CMIP: variants seen among roughly 807,000 people sequenced by gnomAD.
CMIP encodes C-Maf-inducing protein.
Under a neutral mutation model 97.3 loss-of-function variants are expected in CMIP, and 13 were observed. That is an observed-to-expected ratio of 0.13 (90% CI 0.09 to 0.21). The LOEUF (loss-of-function observed/expected upper bound fraction) is 0.21. Ranked by LOEUF, CMIP falls within the 10% of genes least tolerant of loss-of-function variation. The pLI is 1.00. For synonymous variants in CMIP, 538 were observed against 436.3 expected (o/e 1.23, Z -2.91); for missense variants, 847 against 1,024.9 (o/e 0.83, Z 2.37).
At chr16:81,517,919 A>C in intron 1 of CMIP, 1 of 984,078 alleles carries the variant, frequency 1.0e-6, no homozygotes, top group South Asian at 4.7e-5. Context: ...CTCCTGCCAC[A>C]GCCACGAGAT....
At chr16:81,480,161 G>C (rs770927322) in intron 1 of CMIP, among the ~76,000 whole-genome samples, 1 of 152,208 alleles carries the variant, frequency 6.6e-6, no homozygotes, top group Non-Finnish European at 1.5e-5. Context: ...GCAGTCCTTT[G>C]GGGTAGGTAA....
At chr16:81,559,837 C>T (rs1341740313) in intron 1 of CMIP, among the ~76,000 whole-genome samples, 1 of 152,140 alleles carries the variant, frequency 6.6e-6, no homozygotes, top group African/African-American at 2.4e-5. Context: ...GCAAGTCTTT[C>T]AAGAGGTATA....
chr16:81,586,796 G>A (rs1378529015), intron 1 of CMIP, among the ~76,000 whole-genome samples: 2 of 152,150 alleles, frequency 1.3e-5, no homozygotes, highest in African/African-American at 4.8e-5. Flanking sequence ...CCACTCAACT[G>A]TGGAGTCCTT....
chr16:81,487,240 C>T (rs2089330084), intron 1 of CMIP, among the ~76,000 whole-genome samples: 1 of 144,120 alleles, frequency 6.9e-6, no homozygotes, highest in South Asian at 2.5e-4. Flanking sequence ...CACTGCTCTA[C>T]CTGGGAGCCC....
chr16:81,543,451 G>T (rs1402053817), intron 1 of CMIP, among the ~76,000 whole-genome samples: 1 of 152,162 alleles, frequency 6.6e-6, no homozygotes, highest in Non-Finnish European at 1.5e-5. Context: ...GGCCGCCCAG[G>T]GCTCCCTGCT....
Position 81,638,040 on chromosome 16 carries a change from G to T in CMIP, c.478-14163G>T, listed in dbSNP as rs1004868564. ...CCACCTCCTAACACCCCCCCCACTG[G>T]GGATTAGGTTTCAATAATGAATTTT... On this transcript the variant is annotated intron_variant, in intron 3 of 20. Transcript: ENST00000537098. 3.8e-4 allele frequency among the ~76,000 whole-genome samples: 58 copies of T among 152,144 alleles called. 2 individuals are homozygous for T. The highest frequency in any genetic ancestry group is 1.5e-5 in the Non-Finnish European group (1 of 68,026).
intron 9 of CMIP, 91 bp from the exon 10 acceptor site, chr16:81,678,184 C>G (rs1904463183): frequency 6.2e-6 from 6 of 974,170 alleles, no homozygotes; most frequent in Non-Finnish European, 5.9e-6. Flanking sequence ...TGGCCTCATC[C>G]TGGGATTCAG....
At chr16:81,465,312 C>T (rs1475612005) in intron 1 of CMIP, among the ~76,000 whole-genome samples, 1 of 152,178 alleles carries the variant, frequency 6.6e-6, no homozygotes, top group Non-Finnish European at 1.5e-5. Context: ...TGGGCTGGAT[C>T]TTCATTTAGA....
intron 3 of CMIP, chr16:81,645,429 C>G: frequency 6.7e-7 from 1 of 1,498,052 alleles, no homozygotes; most frequent in Non-Finnish European, 8.9e-7. Flanking sequence ...CCTGGCGCGA[C>G]GTGCTTCCAG....
intron 3 of CMIP, among the ~76,000 whole-genome samples, chr16:81,643,606 A>G (rs1039660600): frequency 2.6e-5 from 4 of 152,166 alleles, no homozygotes; most frequent in Non-Finnish European, 5.9e-5. Flanking sequence ...CCTGGCCAAC[A>G]TGGTGTGAAA....
rs1289400517 is a variant in CMIP, at chr16:81,453,200, C to G, written c.300+7659C>G. Among the ~76,000 whole-genome samples, 2 of 152,206 alleles carry G rather than the reference C, an allele frequency of 1.3e-5. No homozygotes were observed. Among genetic ancestry groups the G allele is most frequent in the Non-Finnish European group, 2.9e-5 (2 of 68,038 alleles). Reference sequence around the variant, plus strand: ...TTCCCATGGCATCCTTTGTTCGTGGCTCTACTGCTTTCAAGCTACTGTCAG... The same window carrying G: ...TTCCCATGGCATCCTTTGTTCGTGGGTCTACTGCTTTCAAGCTACTGTCAG... On this transcript the variant is annotated intron_variant, in intron 1 of 20. Coordinates refer to ENST00000537098, the MANE Select transcript of CMIP (RefSeq NM_198390.3). The surrounding 1 kb of genome is among the most constrained non-coding windows in gnomAD (Gnocchi z 4.0).
At chr16:81,645,632 A>T (rs2092355993) in intron 3 of CMIP, 2 of 1,534,430 alleles carry the variant, frequency 1.3e-6, no homozygotes, top group African/African-American at 1.4e-5. Context: ...AGAGAGGGTG[A>T]GGACAGCGCT....
At chr16:81,553,528 C>T (rs565764125) in intron 1 of CMIP, among the ~76,000 whole-genome samples, 34 of 152,140 alleles carry the variant, frequency 2.2e-4, no homozygotes, top group Non-Finnish European at 4.3e-4. Flanking sequence ...CCTGTCCCGG[C>T]GCCAGCTTCG....
intron 1 of CMIP, among the ~76,000 whole-genome samples, chr16:81,562,554 C>CA (rs762585725): frequency 6.6e-6 from 1 of 152,226 alleles, no homozygotes; most frequent in Non-Finnish European, 1.5e-5. Flanking sequence ...GAGAGTAGGA[C>CA]ATGTGGCAAA....
chr16:81,649,718 C>G (rs945742322), intron 3 of CMIP, among the ~76,000 whole-genome samples: 8 of 152,196 alleles, frequency 5.3e-5, no homozygotes, highest in African/African-American at 1.9e-4. Context: ...TGCAGCTGAT[C>G]AGAAGAGTCC....
At chr16:81,539,049 GCA>G (rs2090399311) in intron 1 of CMIP, among the ~76,000 whole-genome samples, 1 of 152,192 alleles carries the variant, frequency 6.6e-6, no homozygotes, top group East Asian at 1.9e-4. Flanking sequence ...CCGAGGAAGA[GCA>G]CACACCGATG....
chr16:81,545,956 G>A (rs2090538693), intron 1 of CMIP, among the ~76,000 whole-genome samples: 1 of 151,902 alleles, frequency 6.6e-6, no homozygotes, highest in African/African-American at 2.4e-5. Context: ...GTGAACTCAG[G>A]GAGAATCCAC....
At chr16:81,549,848 G>A (rs1470327578) in intron 1 of CMIP, among the ~76,000 whole-genome samples, 4 of 152,196 alleles carry the variant, frequency 2.6e-5, no homozygotes, top group Non-Finnish European at 4.4e-5. Flanking sequence ...GTGTGCATGC[G>A]CGCGTGCATA....
chr16:81,496,475 C>T (rs1300093894), intron 1 of CMIP, among the ~76,000 whole-genome samples: 1 of 152,182 alleles, frequency 6.6e-6, no homozygotes, highest in East Asian at 1.9e-4. Context: ...CTTTGAAGGA[C>T]AAAGACCAAT....
Sources: gnomAD v4.1 joint callset for allele counts (sites outside exome capture counted in the v4.1 genomes callset) on GRCh38, gnomAD v4.1.1 for gene constraint, Gnocchi (gnomAD v3.1) non-coding constraint, MANE v1.5 for transcripts, NCBI Gene and HGNC (gene_info 2026-07-23, HGNC 2026-07-21) for gene names.